Variants in C1QTNF3 observed in about 807,000 individuals in gnomAD.
C1QTNF3 encodes C1q and TNF related 3.
A neutral mutation model predicts 32.6 loss-of-function variants in C1QTNF3; 26 were observed. That is an observed-to-expected ratio of 0.80 (90% CI 0.58 to 1.11). The LOEUF is 1.11. C1QTNF3 is among the 50% of genes least tolerant of loss of function. The probability of loss-of-function intolerance (pLI) is 0.00; values close to 1 mark genes in which losing one functional copy is unlikely to be tolerated. For synonymous variants in C1QTNF3, 155 were observed against 146.0 expected (o/e 1.06, Z -0.44); for missense variants, 362 against 398.2 (o/e 0.91, Z 0.77).
chr5:34,049,137 AT>A, the C1QTNF3 span, among the ~76,000 whole-genome samples: 1 of 152,138 alleles, frequency 6.6e-6, no homozygotes. Context: ...TCTCTCTAAG[AT>A]GACCTGCTAA....
At chr5:34,043,620 G>C (rs1382508855), upstream of C1QTNF3, 1 of 156,850 alleles carries the variant, frequency 6.4e-6, no homozygotes, top group Non-Finnish European at 1.4e-5. Flanking sequence ...GGGCTTTCAC[G>C]ACAGCTCTTG....
chr5:34,188,883 C>T, the C1QTNF3 span, among the ~76,000 whole-genome samples: 697 of 144,138 alleles, frequency 4.8e-3, no homozygotes, highest in Middle Eastern at 8.0e-3. Flanking sequence ...TCTGTCCCCA[C>T]CCAAATCTCA....
At chr5:34,053,025 T>C in the C1QTNF3 span, among the ~76,000 whole-genome samples, 2 of 152,316 alleles carry the variant, frequency 1.3e-5, no homozygotes, top group South Asian at 4.1e-4. Flanking sequence ...GCTTCTTCGA[T>C]TTTTCCAAAG....
At chr5:34,021,829 C>T (rs887191288) in intron 5 of C1QTNF3, among the ~76,000 whole-genome samples, 1 of 152,088 alleles carries the variant, frequency 6.6e-6, no homozygotes, top group Non-Finnish European at 1.5e-5. Flanking sequence ...GGTTTGAAAC[C>T]TAGATGATGA....
At chr5:34,201,471 C>T in the C1QTNF3 span, among the ~76,000 whole-genome samples, 2 of 151,968 alleles carry the variant, frequency 1.3e-5, no homozygotes, top group Non-Finnish European at 2.9e-5. Context: ...CTTCTAGGCT[C>T]GTTGCTTAAA....
At chr5:34,050,766 C>T in the C1QTNF3 span, among the ~76,000 whole-genome samples, 1 of 152,180 alleles carries the variant, frequency 6.6e-6, no homozygotes, top group South Asian at 2.1e-4. Flanking sequence ...CCACTTGAGA[C>T]GCAGACATGG....
chr5:34,039,666 A>C (rs1313303542), intron 1 of C1QTNF3, among the ~76,000 whole-genome samples: 1 of 152,160 alleles, frequency 6.6e-6, no homozygotes, highest in Non-Finnish European at 1.5e-5. Context: ...CTGCCTTTGG[A>C]CAGTTAATTT....
the C1QTNF3 span, among the ~76,000 whole-genome samples, chr5:34,212,728 T>C: frequency 1.3e-4 from 19 of 149,790 alleles, no homozygotes; most frequent in Non-Finnish European, 2.5e-4. Context: ...CCAGTTAGAA[T>C]GGCAATCATT....
At chr5:34,128,387 C>G in the C1QTNF3 span, among the ~76,000 whole-genome samples, 1 of 152,248 alleles carries the variant, frequency 6.6e-6, no homozygotes. Context: ...ACAGAGTTCC[C>G]ACTGGGGCAC....
intron 2 of C1QTNF3, among the ~76,000 whole-genome samples, chr5:34,033,804 TA>T (rs1469628849): frequency 6.6e-6 from 1 of 152,170 alleles, no homozygotes; most frequent in African/African-American, 2.4e-5. Context: ...TATATAGTCA[TA>T]AAAAAGAAGG....
chr5:34,046,965 T>C (rs564681163), upstream of C1QTNF3, among the ~76,000 whole-genome samples: 30 of 152,372 alleles, frequency 2.0e-4, no homozygotes, highest in South Asian at 6.2e-3. Context: ...ATTTTAAACA[T>C]TGGTTTATTA....
At chr5:34,049,250 T>C in the C1QTNF3 span, among the ~76,000 whole-genome samples, 2 of 152,328 alleles carry the variant, frequency 1.3e-5, no homozygotes, top group South Asian at 2.1e-4. Context: ...TCAGTTTTAG[T>C]TGGGCAGTTC....
intron 1 of C1QTNF3, among the ~76,000 whole-genome samples, chr5:34,040,586 G>C (rs1054474936): frequency 2.0e-5 from 3 of 152,084 alleles, no homozygotes; most frequent in African/African-American, 7.2e-5. Flanking sequence ...ACCCACAGCT[G>C]GAGCATCTTT....
At chr5:34,060,162 T>C in the C1QTNF3 span, among the ~76,000 whole-genome samples, 1 of 152,228 alleles carries the variant, frequency 6.6e-6, no homozygotes. Flanking sequence ...CCTGACTCTG[T>C]AAGACTGGCC....
chr5:34,147,598 A>G, the C1QTNF3 span, among the ~76,000 whole-genome samples: 1 of 152,096 alleles, frequency 6.6e-6, no homozygotes, highest in Non-Finnish European at 1.5e-5. Flanking sequence ...CTCACTTATA[A>G]GTGGGAAATA....
chr5:34,069,484 T>C, the C1QTNF3 span, among the ~76,000 whole-genome samples: 1 of 152,242 alleles, frequency 6.6e-6, no homozygotes, highest in African/African-American at 2.4e-5. Flanking sequence ...ACATAAACAT[T>C]TGATGAATAA....
At chr5:34,183,491 C>T in the C1QTNF3 span, among the ~76,000 whole-genome samples, 18 of 146,424 alleles carry the variant, frequency 1.2e-4, no homozygotes, top group Non-Finnish European at 1.5e-4. Flanking sequence ...CCACCATGCC[C>T]GGCGAATTTT....
rs1754299642 is a variant in C1QTNF3 at position 34,020,578 on chromosome 5, T to C, written c.*5A>G. 1 of 1,613,746 alleles carries C rather than the reference T, an allele frequency of 6.2e-7. No homozygotes were observed. The highest frequency in any genetic ancestry group is 8.5e-7 in the Non-Finnish European group (1 of 1,179,684). ...CCCCAAAGTGGAGCTATTCTAGTCA[T>C]ATATTTACTTAGTTTCAAAGAGCAG... On this transcript the variant is annotated 3_prime_UTR_variant, in exon 6 of 6. Transcript: ENST00000382065.
chr5:34,161,469 C>T, the C1QTNF3 span, among the ~76,000 whole-genome samples: 1 of 152,042 alleles, frequency 6.6e-6, no homozygotes, highest in African/African-American at 2.4e-5. Flanking sequence ...TAAAATGTTA[C>T]ATTTTTCTCT....
Sources: allele counts gnomAD v4.1 joint callset (sites outside exome capture counted in the v4.1 genomes callset), GRCh38; gene constraint gnomAD v4.1.1; transcripts MANE v1.5; gene names NCBI Gene and HGNC (gene_info 2026-07-23, HGNC 2026-07-21).